The following PDILT variants were observed in gnomAD, a reference collection of about 807,000 sequenced individuals.
The protein encoded by PDILT is protein disulfide isomerase like, testis expressed, also known as protein disulfide-isomerase-like protein of the testis.
Under a neutral mutation model 53.7 loss-of-function variants are expected in PDILT, and 43 were observed. The observed-to-expected ratio is 0.80, with a 90% CI of 0.63 to 1.03. PDILT has a LOEUF of 1.03. Among genes scored for constraint, PDILT ranks in the 50% least tolerant of loss-of-function variants. PDILT has a pLI of 0.00. For missense variants in PDILT, 727 were observed against 712.3 expected (o/e 1.02, Z -0.24); for synonymous variants, 282 against 274.2 (o/e 1.03, Z -0.28).
At chr16:20,361,607 T>C (rs1273294486) in intron 10 of PDILT, among the ~76,000 whole-genome samples, 1 of 152,080 alleles carries the variant, frequency 6.6e-6, no homozygotes, top group East Asian at 1.9e-4. Flanking sequence ...GTAACACAAC[T>C]CCCCGACATG....
intron 2 of PDILT, among the ~76,000 whole-genome samples, chr16:20,387,189 G>A (rs1966551131): frequency 6.6e-6 from 1 of 152,180 alleles, no homozygotes; most frequent in South Asian, 2.1e-4. Flanking sequence ...ACTTGAAAAG[G>A]CAGAAAATAA....
chr16:20,372,547 T>C (rs911343155), intron 7 of PDILT, among the ~76,000 whole-genome samples: 1 of 152,194 alleles, frequency 6.6e-6, no homozygotes, highest in Admixed American at 6.5e-5. Context: ...GTAGACTCAT[T>C]ACAAAGAAGA....
At chr16:20,396,660 T>G (rs1431487866) in intron 2 of PDILT, among the ~76,000 whole-genome samples, 1 of 152,214 alleles carries the variant, frequency 6.6e-6, no homozygotes, top group Non-Finnish European at 1.5e-5. Flanking sequence ...TGAGGACAAG[T>G]TCAAACCATT....
At chr16:20,375,085 T>C in intron 4 of PDILT, 126 bp from the exon 5 acceptor site, 2 of 1,089,242 alleles carry the variant, frequency 1.8e-6, no homozygotes, top group Middle Eastern at 2.6e-4. Context: ...TTTGCCTGGG[T>C]CACCCAAATC....
At chr16:20,380,187 C>T (rs200996431) in intron 3 of PDILT, among the ~76,000 whole-genome samples, 3 of 152,216 alleles carry the variant, frequency 2.0e-5, no homozygotes, top group East Asian at 1.9e-4. Context: ...TCAGCCTTGG[C>T]TTGTCCCTCC....
chr16:20,381,939 C>T (rs1966467011), intron 3 of PDILT, among the ~76,000 whole-genome samples: 1 of 152,150 alleles, frequency 6.6e-6, no homozygotes, highest in Admixed American at 6.5e-5. Flanking sequence ...CACTCTGTCA[C>T]CCAGGCTGAA....
At chr16:20,390,987 C>T (rs568409892) in intron 2 of PDILT, 1 of 152,508 alleles carries the variant, frequency 6.6e-6, no homozygotes, top group South Asian at 2.1e-4. Context: ...CCAGCACCAT[C>T]ATCACCACTG....
At chr16:20,381,148 T>A (rs1043981901) in intron 3 of PDILT, among the ~76,000 whole-genome samples, 2 of 152,222 alleles carry the variant, frequency 1.3e-5, no homozygotes, top group African/African-American at 4.8e-5. Flanking sequence ...TGGCCAAGTC[T>A]CCTGCCATCA....
intron 8 of PDILT, 21 bp from the exon 9 acceptor site, chr16:20,365,561 G>T (rs756532719): frequency 1.1e-5 from 17 of 1,612,884 alleles, no homozygotes; most frequent in Middle Eastern, 1.6e-4. Context: ...CATTTGAGAG[G>T]CCTAAGAGTC....
chr16:20,384,553 C>A, intron 3 of PDILT, 92 bp downstream of exon 3: 1 of 1,478,462 alleles, frequency 6.8e-7, no homozygotes, highest in Non-Finnish European at 9.3e-7. Context: ...CCCCGAGAAG[C>A]TGCATGGAGC....
At position 20,365,273 on chromosome 16, in the gene PDILT, G is replaced by A. The variant is rs1966172764; in HGVS notation, c.1237+147C>T. 7 of 845,632 alleles carry A rather than the reference G, an allele frequency of 8.3e-6. No homozygotes were observed. The Admixed American group carries it at 1.6e-4, about 19-fold the overall frequency. The allele number at this position is 845,632 out of a possible 1,614,324, so 52.4% of individuals were successfully genotyped here. On this transcript the variant is annotated intron_variant, in intron 9 of 11. Coordinates refer to ENST00000302451, the MANE Select transcript of PDILT (RefSeq NM_174924.2). The stretch of plus-strand genomic sequence containing the variant: ...GTTGCATTGTTCCTGATAGCATCTT[G>A]AGTCAATCCCTTTGGGTATCTGAAG...
intron 1 of PDILT, among the ~76,000 whole-genome samples, chr16:20,403,674 CTCTT>C (rs1235401436): frequency 6.6e-6 from 1 of 151,786 alleles, no homozygotes; most frequent in Non-Finnish European, 1.5e-5. Flanking sequence ...AAGCTTCTGC[CTCTT>C]TTTTTTTTAC....
intron 3 of PDILT, among the ~76,000 whole-genome samples, chr16:20,381,029 T>C (rs1258672059): frequency 2.0e-5 from 3 of 152,234 alleles, no homozygotes; most frequent in Non-Finnish European, 4.4e-5. Flanking sequence ...ATGTCAATGA[T>C]TGACTAGGAC....
chr16:20,367,033 TTCTTTC>T (rs1446360130), intron 8 of PDILT, among the ~76,000 whole-genome samples: 2 of 10,680 alleles, frequency 1.9e-4, no homozygotes, highest in Admixed American at 8.0e-4. Flanking sequence ...TCTTCTTTCT[TTCTTTC>T]TTTCTTTCTT....
At chr16:20,370,218 G>A (rs1966284252) in intron 7 of PDILT, among the ~76,000 whole-genome samples, 1 of 152,154 alleles carries the variant, frequency 6.6e-6, no homozygotes, top group African/African-American at 2.4e-5. Flanking sequence ...ACTCAGCACT[G>A]AGGACACAAC....
chr16:20,364,496 G>A (rs1966160880), intron 9 of PDILT, among the ~76,000 whole-genome samples: 1 of 152,186 alleles, frequency 6.6e-6, no homozygotes, highest in Non-Finnish European at 1.5e-5. Flanking sequence ...TCTGTGACAT[G>A]GGGAAAACCA....
At chr16:20,369,755 G>A in intron 7 of PDILT, 66 bp from the exon 8 acceptor site, 1 of 1,515,342 alleles carries the variant, frequency 6.6e-7, no homozygotes, top group South Asian at 1.1e-5. Context: ...CTGCTGAAAG[G>A]CTGTGGACTA....
intron 2 of PDILT, among the ~76,000 whole-genome samples, chr16:20,395,752 C>T (rs571020182): frequency 1.1e-4 from 16 of 152,262 alleles, no homozygotes; most frequent in African/African-American, 3.9e-4. Flanking sequence ...AGTGAGTTCT[C>T]ACTCTATTAG....
chr16:20,375,456 G>A (rs1304148713), intron 4 of PDILT, among the ~76,000 whole-genome samples: 2 of 152,178 alleles, frequency 1.3e-5, no homozygotes, highest in African/African-American at 4.8e-5. Flanking sequence ...TCTACTGGGA[G>A]GAGAGAAGTC....
Sources: allele counts gnomAD v4.1 joint callset (sites outside exome capture counted in the v4.1 genomes callset), GRCh38; gene constraint gnomAD v4.1.1; transcripts MANE v1.5; gene names NCBI Gene and HGNC (gene_info 2026-07-23, HGNC 2026-07-21).